RMST: variants seen among roughly 807,000 people sequenced by gnomAD.
RMST encodes the protein rhabdomyosarcoma 2 associated transcript.
intron 5 of RMST, among the ~76,000 whole-genome samples, chr12:97,490,953 A>G (rs1044562914): frequency 2.6e-5 from 4 of 152,166 alleles, no homozygotes; most frequent in African/African-American, 9.6e-5. Flanking sequence ...AAAAACAATG[A>G]GCTACTCCCA....
At chr12:97,477,569 C>T (rs534158971) in intron 5 of RMST, among the ~76,000 whole-genome samples, 2 of 152,168 alleles carry the variant, frequency 1.3e-5, no homozygotes, top group South Asian at 2.1e-4. Context: ...GATTCAGAAA[C>T]ATTAAAGGAT....
intron 7 of RMST, chr12:97,493,792 T>G (rs1021808184): frequency 3.3e-5 from 5 of 152,210 alleles, no homozygotes; most frequent in African/African-American, 7.2e-5. Flanking sequence ...ACTTGTTTGT[T>G]TACATATTTT....
At chr12:97,489,999 A>G (rs190712397) in intron 5 of RMST, among the ~76,000 whole-genome samples, 2 of 152,354 alleles carry the variant, frequency 1.3e-5, no homozygotes, top group Non-Finnish European at 1.5e-5. Context: ...ATTTAGGTAC[A>G]TGCTCTATTC....
intron 10 of RMST, among the ~76,000 whole-genome samples, chr12:97,503,971 G>A (rs1034976761): frequency 2.0e-5 from 3 of 152,076 alleles, no homozygotes; most frequent in African/African-American, 7.2e-5. Context: ...TGTCACCCAG[G>A]CTGGAGAGCA....
At chr12:97,496,785 G>A (rs1877474377) in intron 10 of RMST, among the ~76,000 whole-genome samples, 1 of 152,096 alleles carries the variant, frequency 6.6e-6, no homozygotes, top group Admixed American at 6.6e-5. Flanking sequence ...TCTTTTTGGA[G>A]GGGACTTCCC....
intron 11 of RMST, among the ~76,000 whole-genome samples, chr12:97,533,998 CT>C (rs1163203869): frequency 1.3e-5 from 2 of 151,790 alleles, no homozygotes; most frequent in Non-Finnish European, 2.9e-5. Context: ...GCTTATTCAG[CT>C]GGCAAAGTCA....
intron 11 of RMST, among the ~76,000 whole-genome samples, chr12:97,535,724 C>T (rs1028548253): frequency 9.9e-5 from 15 of 151,496 alleles, no homozygotes; most frequent in African/African-American, 2.7e-4. Context: ...GAATTTAAAC[C>T]ATTTCCACAG....
chr12:97,556,418 G>A (rs1182225865), intron 11 of RMST, among the ~76,000 whole-genome samples: 1 of 152,200 alleles, frequency 6.6e-6, no homozygotes, highest in Admixed American at 6.5e-5. Context: ...CCCTGAAGGA[G>A]AACAGAAAAC....
At chr12:97,525,580 A>G (rs936595827) in intron 10 of RMST, among the ~76,000 whole-genome samples, 4 of 152,220 alleles carry the variant, frequency 2.6e-5, no homozygotes, top group African/African-American at 7.2e-5. Context: ...TTCTGTCCCC[A>G]GACCCAAGTT....
intron 11 of RMST, among the ~76,000 whole-genome samples, chr12:97,545,025 G>A (rs1015452162): frequency 1.3e-5 from 2 of 152,106 alleles, no homozygotes; most frequent in African/African-American, 4.8e-5. Context: ...GAACTAAAGA[G>A]AATCATTTTT....
chr12:97,564,274 A>C (rs917898479), exon 14 of RMST: 16 of 175,668 alleles, frequency 9.1e-5, no homozygotes, highest in Admixed American at 4.0e-4. Flanking sequence ...GACAAATCAG[A>C]CTTGCCCTCT....
chr12:97,514,585 A>C (rs1035571426), intron 10 of RMST, among the ~76,000 whole-genome samples: 2 of 152,012 alleles, frequency 1.3e-5, no homozygotes, highest in African/African-American at 4.8e-5. Context: ...GATTTCGATT[A>C]GTTCATTCTG....
At chr12:97,471,526 T>C (rs1873913129) in intron 5 of RMST, among the ~76,000 whole-genome samples, 3 of 152,072 alleles carry the variant, frequency 2.0e-5, no homozygotes, top group Non-Finnish European at 4.4e-5. Flanking sequence ...CCCGTGAGAG[T>C]TCCAGAAATG....
chr12:97,531,342 A>G (rs1881605277), intron 11 of RMST, among the ~76,000 whole-genome samples: 1 of 152,038 alleles, frequency 6.6e-6, no homozygotes. Context: ...GTCTTGACTT[A>G]AGTCGCACAA....
At chr12:97,519,386 T>G (rs1253836861) in intron 10 of RMST, among the ~76,000 whole-genome samples, 1 of 152,194 alleles carries the variant, frequency 6.6e-6, no homozygotes, top group Non-Finnish European at 1.5e-5. Context: ...TTCATTGCTA[T>G]CTCTTCAAAT....
intron 10 of RMST, among the ~76,000 whole-genome samples, chr12:97,523,984 G>A (rs2136561310): frequency 6.7e-6 from 1 of 149,572 alleles, no homozygotes; most frequent in African/African-American, 2.5e-5. Context: ...ACTGAAGCGG[G>A]AGAATGGCGT....
At chr12:97,538,616 G>T (rs921684928) in intron 11 of RMST, among the ~76,000 whole-genome samples, 1 of 151,348 alleles carries the variant, frequency 6.6e-6, no homozygotes, top group Non-Finnish European at 1.5e-5. Context: ...TCAACCTTAA[G>T]AGTTTAAGAT....
At chr12:97,497,856 C>A (rs746301245) in intron 10 of RMST, among the ~76,000 whole-genome samples, 1 of 151,924 alleles carries the variant, frequency 6.6e-6, no homozygotes, top group Non-Finnish European at 1.5e-5. Flanking sequence ...TGTAGGGGTC[C>A]GCTATGCTAT....
intron 5 of RMST, among the ~76,000 whole-genome samples, chr12:97,468,039 C>T (rs1442926585): frequency 6.6e-6 from 1 of 151,940 alleles, no homozygotes. Context: ...AATGCACTGC[C>T]AGGGAGGGGC....
Sources: allele counts gnomAD v4.1 joint callset (sites outside exome capture counted in the v4.1 genomes callset), GRCh38; gene constraint gnomAD v4.1.1; transcripts MANE v1.5; gene names NCBI Gene and HGNC (gene_info 2026-07-23, HGNC 2026-07-21).